The following RNF175 variants were observed in gnomAD, a reference collection of about 807,000 sequenced individuals.
The protein encoded by RNF175 is ring finger protein 175.
RNF175 carries 38 observed loss-of-function variants against 50.0 expected under a neutral mutation model. The observed-to-expected ratio is 0.76, with a 90% confidence interval of 0.59 to 1.00. The LOEUF (loss-of-function observed/expected upper bound fraction) is 1.00. Ranked by LOEUF, RNF175 falls within the 50% of genes least tolerant of loss-of-function variation. The pLI, the probability that RNF175 is intolerant of heterozygous loss-of-function variation, is 0.00. For missense variants in RNF175, 388 were observed against 409.6 expected (o/e 0.95, Z 0.46); for synonymous variants, 155 against 146.1 (o/e 1.06, Z -0.44).
chr4:153,741,312 G>C (rs72731669), intron 3 of RNF175, among the ~76,000 whole-genome samples: 1 of 152,004 alleles, frequency 6.6e-6, no homozygotes, highest in Admixed American at 6.5e-5. Flanking sequence ...ATCTGCTTCA[G>C]AGTGGTCACT....
chr4:153,739,393 C>T lies in RNF175; in HGVS notation c.246+9252G>A, dbSNP rs575881669. Among the ~76,000 whole-genome samples the T allele has an allele frequency of 3.9e-5, 6 of 152,112 alleles. 1 individual carries two copies. The South Asian group carries it at 8.3e-4, about 21-fold the overall frequency. ...CCGAGATCACACCATTGTACTCCAG[C>T]GACAGAGCGAGACTCTGTCTCAAAA... is the stretch of plus-strand genomic sequence containing the variant. On this transcript the variant is annotated intron_variant, in intron 3 of 8. Transcript: ENST00000347063.
intron 1 of RNF175, among the ~76,000 whole-genome samples, chr4:153,757,253 CTTAT>C (rs1475405739): frequency 7.2e-5 from 11 of 152,182 alleles, no homozygotes; most frequent in Non-Finnish European, 1.5e-4. Flanking sequence ...TTGTTGATGA[CTTAT>C]TTACTTACCT....
intron 2 of RNF175, among the ~76,000 whole-genome samples, chr4:153,749,585 T>G (rs1740179144): frequency 2.0e-5 from 3 of 152,258 alleles, no homozygotes; most frequent in Admixed American, 2.0e-4. Context: ...TTTAGCTGGA[T>G]GCTTAGTTTT....
chr4:153,746,373 GC>G (rs1192199063), intron 3 of RNF175, among the ~76,000 whole-genome samples: 2 of 152,212 alleles, frequency 1.3e-5, no homozygotes, highest in East Asian at 1.9e-4. Flanking sequence ...GAACAGCCTT[GC>G]CCCCCCATGG....
intron 3 of RNF175, among the ~76,000 whole-genome samples, chr4:153,743,404 C>G (rs766232982): frequency 4.6e-5 from 7 of 152,140 alleles, no homozygotes; most frequent in Admixed American, 3.3e-4. Flanking sequence ...GCTACTCAAC[C>G]TGTTCCTTTG....
chr4:153,715,440 TGGA>T, intron 7 of RNF175, 86 bp downstream of exon 7: 1 of 1,291,374 alleles, frequency 7.7e-7, no homozygotes, highest in East Asian at 2.5e-5. Context: ...GTAAGCAAGA[TGGA>T]GGAGATGGGG....
intron 4 of RNF175, among the ~76,000 whole-genome samples, chr4:153,724,224 G>A (rs1738531345): frequency 6.6e-6 from 1 of 152,148 alleles, no homozygotes; most frequent in Non-Finnish European, 1.5e-5. Context: ...TGGCAGTAAA[G>A]GCCCTTAGAA....
At chr4:153,757,770 A>G (rs1012734952) in intron 1 of RNF175, among the ~76,000 whole-genome samples, 18 of 151,936 alleles carry the variant, frequency 1.2e-4, no homozygotes, top group Non-Finnish European at 1.6e-4. Flanking sequence ...CTCACACTCC[A>G]AATTTTAGGA....
chr4:153,730,210 G>C (rs931569149), intron 3 of RNF175, among the ~76,000 whole-genome samples: 2 of 152,056 alleles, frequency 1.3e-5, no homozygotes, highest in Non-Finnish European at 2.9e-5. Context: ...TTTGGGAGGC[G>C]GGGGTGGATG....
At chr4:153,742,856 GT>G (rs1192675569) in intron 3 of RNF175, among the ~76,000 whole-genome samples, 1 of 150,666 alleles carries the variant, frequency 6.6e-6, no homozygotes, top group Non-Finnish European at 1.5e-5. Context: ...ATATTAATAT[GT>G]TCCTAATATT....
At chr4:153,723,481 AAACACAG>A (rs1159436366) in intron 4 of RNF175, 23 bp from the exon 5 acceptor site, 3 of 1,052,218 alleles carry the variant, frequency 2.9e-6, no homozygotes, top group African/African-American at 3.1e-5. Flanking sequence ...AAATGGGGAG[AAACACAG>A]AACACAGAAA....
intron 8 of RNF175, among the ~76,000 whole-genome samples, chr4:153,711,192 T>C (rs1737551411): frequency 6.6e-6 from 1 of 152,214 alleles, no homozygotes; most frequent in Admixed American, 6.5e-5. Flanking sequence ...GCATTGAGGT[T>C]TTATAGGTTA....
At chr4:153,722,493 C>T (rs1361792627) in intron 5 of RNF175, among the ~76,000 whole-genome samples, 3 of 151,898 alleles carry the variant, frequency 2.0e-5, no homozygotes, top group African/African-American at 4.8e-5. Flanking sequence ...ATTTTTGAGA[C>T]GAGGTCTGGC....
At chr4:153,752,226 C>T (rs1216897342) in intron 1 of RNF175, among the ~76,000 whole-genome samples, 1 of 152,198 alleles carries the variant, frequency 6.6e-6, no homozygotes, top group Non-Finnish European at 1.5e-5. Context: ...CACAGAAGAG[C>T]ATAGACAACC....
At position 153,720,430 on chromosome 4, in the gene RNF175, GT is replaced by G. The variant is rs1738268548; in HGVS notation, c.510-127del. The G allele has an allele frequency of 4.0e-5, 25 of 625,712 alleles. 1 individual carries two copies. In the South Asian group the frequency reaches 5.1e-4, roughly 13 times the overall value. 38.8% of individuals were successfully genotyped at this position (625,712 alleles called of 1,614,324 possible). ...TGGGTATTTTTTTTTTCATTTATGT[GT>G]TTGATTTTTCTTTTTTAAATGAAAT... On this transcript the variant is annotated intron_variant, in intron 5 of 8. Coordinates refer to ENST00000347063, the MANE Select transcript of RNF175 (RefSeq NM_173662.4).
intron 1 of RNF175, among the ~76,000 whole-genome samples, chr4:153,755,896 G>C (rs1186018185): frequency 1.3e-5 from 2 of 152,126 alleles, no homozygotes; most frequent in Non-Finnish European, 2.9e-5. Flanking sequence ...TACTGACATA[G>C]AAATATTTTC....
At chr4:153,758,050 G>A (rs1483096577) in intron 1 of RNF175, among the ~76,000 whole-genome samples, 1 of 152,204 alleles carries the variant, frequency 6.6e-6, no homozygotes, top group Non-Finnish European at 1.5e-5. Context: ...CTTTCATGCT[G>A]AAGGAGGTTC....
chr4:153,719,326 G>A (rs1211768350), intron 6 of RNF175, among the ~76,000 whole-genome samples: 9 of 152,078 alleles, frequency 5.9e-5, no homozygotes, highest in Non-Finnish European at 1.2e-4. Context: ...TGGTGTATAC[G>A]TACCACACTT....
chr4:153,715,773 CT>C, intron 6 of RNF175, 111 bp from the exon 7 acceptor site: 1 of 1,150,610 alleles, frequency 8.7e-7, no homozygotes. Context: ...CACATAGAAT[CT>C]CCACTGCGGC....
Sources: allele counts gnomAD v4.1 joint callset (sites outside exome capture counted in the v4.1 genomes callset), GRCh38; gene constraint gnomAD v4.1.1; transcripts MANE v1.5; gene names NCBI Gene and HGNC (gene_info 2026-07-23, HGNC 2026-07-21).